The following RASGRP3 variants were observed in gnomAD, a reference collection of about 807,000 sequenced individuals.
The protein encoded by RASGRP3 is RAS guanyl releasing protein 3, also known as ras guanyl-releasing protein 3.
In RASGRP3, 54 loss-of-function variants were observed where a neutral mutation model predicts 82.7. That is an observed-to-expected ratio of 0.65 (90% CI 0.52 to 0.82). The LOEUF (loss-of-function observed/expected upper bound fraction) is 0.82. Among genes scored for constraint, RASGRP3 ranks in the 40% least tolerant of loss-of-function variants. RASGRP3 has a pLI of 0.00. For synonymous variants in RASGRP3, 309 were observed against 300.5 expected (o/e 1.03, Z -0.29); for missense variants, 861 against 828.9 (o/e 1.04, Z -0.48).
At chr2:33,542,342 A>C (rs1373248657) in intron 12 of RASGRP3, among the ~76,000 whole-genome samples, 8 of 146,666 alleles carry the variant, frequency 5.5e-5, no homozygotes, top group African/African-American at 1.9e-4. Flanking sequence ...AGCTGTGTAG[A>C]ATATTTGATT....
chr2:33,535,778 A>AGAAAGCTAGCAAGAAAGC (rs1201418445), intron 11 of RASGRP3, among the ~76,000 whole-genome samples: 1 of 152,264 alleles, frequency 6.6e-6, no homozygotes. Context: ...AGCAAGAGTA[A>AGAAAGCTAGCAAGAAAGC]GAAAGCTAGC....
upstream of RASGRP3, among the ~76,000 whole-genome samples, chr2:33,475,979 A>G (rs1558417894): frequency 6.6e-6 from 1 of 152,216 alleles, no homozygotes; most frequent in African/African-American, 2.4e-5. Flanking sequence ...GCTACCTGAA[A>G]TCACTTCCAA....
intron 2 of RASGRP3, among the ~76,000 whole-genome samples, chr2:33,454,562 A>G (rs1226247570): frequency 2.6e-5 from 4 of 152,248 alleles, no homozygotes; most frequent in Admixed American, 2.6e-4. Context: ...TAACACACAC[A>G]TTATCTACCT....
chr2:33,548,263 A>T (rs1306956258), intron 13 of RASGRP3, among the ~76,000 whole-genome samples: 1 of 144,602 alleles, frequency 6.9e-6, no homozygotes, highest in Non-Finnish European at 1.5e-5. Flanking sequence ...CGGGAGGCTG[A>T]GGCAGGAGAA....
intron 11 of RASGRP3, among the ~76,000 whole-genome samples, chr2:33,537,848 A>G (rs1004316570): frequency 6.6e-6 from 1 of 152,184 alleles, no homozygotes; most frequent in African/African-American, 2.4e-5. Context: ...TTGTGCTACC[A>G]TCTTCCCCAC....
chr2:33,522,203 C>A, intron 7 of RASGRP3, 101 bp downstream of exon 7: 1 of 1,324,212 alleles, frequency 7.6e-7, no homozygotes, highest in Non-Finnish European at 1.0e-6. Flanking sequence ...GCTTCTATCA[C>A]TGTGCTCTGC....
At position 33,537,317 on chromosome 2, in the gene RASGRP3, CACA is replaced by C. The variant is rs1193879275; in HGVS notation, c.1162-1776_1162-1774del. On this transcript the variant is annotated intron_variant, in intron 11 of 17. Coordinates refer to ENST00000403687, the MANE Select transcript of RASGRP3 (RefSeq NM_001139488.2). ...CCTGTCTCTAAAATACACACACACA[CACA>C]CCGCCCCCCCCACACACACACACAA... Among the ~76,000 whole-genome samples, 149 of 46,972 alleles carry C rather than the reference CACA, an allele frequency of 3.2e-3. 2 individuals are homozygous for C. Among genetic ancestry groups the C allele is most frequent in the African/African-American group, 0.019 (142 of 7,386 alleles). 30.8% of individuals were successfully genotyped at this position (46,972 alleles called of 152,430 possible).
At chr2:33,499,802 AAAG>A (rs1176564330) in intron 1 of RASGRP3, among the ~76,000 whole-genome samples, 2 of 152,144 alleles carry the variant, frequency 1.3e-5, no homozygotes, top group Non-Finnish European at 2.9e-5. Flanking sequence ...GAAGAAAATT[AAAG>A]AAGAAACCAA....
chr2:33,461,922 G>T (rs1043851975), intron 2 of RASGRP3, among the ~76,000 whole-genome samples: 1 of 152,234 alleles, frequency 6.6e-6, no homozygotes, highest in Non-Finnish European at 1.5e-5. Flanking sequence ...ATAACCAAGA[G>T]GCTGTGATGG....
intron 1 of RASGRP3, among the ~76,000 whole-genome samples, chr2:33,445,753 T>C (rs1665465438): frequency 6.6e-6 from 1 of 151,964 alleles, no homozygotes; most frequent in Non-Finnish European, 1.5e-5. Flanking sequence ...AATATATTAA[T>C]AATATGTTAA....
intron 2 of RASGRP3, among the ~76,000 whole-genome samples, chr2:33,469,224 A>G (rs1027595910): frequency 8.5e-5 from 13 of 152,092 alleles, no homozygotes; most frequent in African/African-American, 2.9e-4. Flanking sequence ...ACCCTTTACC[A>G]TACGTATTTC....
intron 1 of RASGRP3, among the ~76,000 whole-genome samples, chr2:33,439,109 C>T (rs1194246880): frequency 6.6e-6 from 1 of 152,174 alleles, no homozygotes; most frequent in African/African-American, 2.4e-5. Flanking sequence ...AGACTTTTCT[C>T]CTACTGTCTC....
intron 12 of RASGRP3, among the ~76,000 whole-genome samples, chr2:33,541,390 C>T (rs929507115): frequency 1.4e-5 from 2 of 146,624 alleles, no homozygotes; most frequent in East Asian, 1.9e-4. Context: ...GTGTATCTTA[C>T]GCAACTTTGT....
At chr2:33,539,251 C>G (rs1673985127) in intron 12 of RASGRP3, 41 bp downstream of exon 12, 1 of 1,410,398 alleles carries the variant, frequency 7.1e-7, no homozygotes, top group Admixed American at 2.0e-5. Context: ...CACTAGAAGA[C>G]CCTTTCTCTT....
chr2:33,470,905 C>A lies in RASGRP3; in HGVS notation c.-261+22962C>A, dbSNP rs533049840. Among the ~76,000 whole-genome samples the A allele has an allele frequency of 3.4e-4, 51 of 152,072 alleles. 1 individual carries two copies. The South Asian group carries it at 1.0e-2, about 30-fold the overall frequency. ...TCTGCAGGTTGAATACTTTTGTCTC[C>A]ATTTTTCTCATAAAATTCTTCTTTA... On this transcript the variant is annotated intron_variant, in intron 2 of 18. Transcript: ENST00000402538.
chr2:33,521,804 A>G (rs912116224), intron 6 of RASGRP3, 151 bp from the exon 7 acceptor site: 4 of 929,004 alleles, frequency 4.3e-6, no homozygotes, highest in South Asian at 1.9e-5. Flanking sequence ...GCAACTGGTC[A>G]GTGGTTTTCT....
At chr2:33,467,982 TTCTTTCTTTC>T (rs1666804115) in intron 2 of RASGRP3, among the ~76,000 whole-genome samples, 1 of 12,604 alleles carries the variant, frequency 7.9e-5, no homozygotes, top group African/African-American at 3.6e-4. Flanking sequence ...GTGAGGCTTT[TTCTTTCTTTC>T]TTTCTTTCTT....
chr2:33,551,941 C>G (rs1345598943), intron 14 of RASGRP3, among the ~76,000 whole-genome samples: 1 of 152,040 alleles, frequency 6.6e-6, no homozygotes, highest in African/African-American at 2.4e-5. Flanking sequence ...TGCAGCGAGC[C>G]AAGATGGCAC....
At chr2:33,480,003 A>G (rs535401218) in intron 1 of RASGRP3, among the ~76,000 whole-genome samples, 3 of 151,938 alleles carry the variant, frequency 2.0e-5, no homozygotes, top group African/African-American at 7.2e-5. Context: ...GCAAGATTAC[A>G]CATTTTGAAG....
Sources: gnomAD v4.1 joint callset for allele counts (sites outside exome capture counted in the v4.1 genomes callset) on GRCh38, gnomAD v4.1.1 for gene constraint, MANE v1.5 for transcripts, NCBI Gene and HGNC (gene_info 2026-07-23, HGNC 2026-07-21) for gene names.